Variants in PPP2R2A observed in about 807,000 individuals in gnomAD.
PPP2R2A encodes the protein protein phosphatase 2 regulatory subunit Balpha.
A neutral mutation model predicts 53.2 loss-of-function variants in PPP2R2A; 9 were observed. That is an observed-to-expected ratio of 0.17 (90% CI 0.10 to 0.30). The LOEUF (loss-of-function observed/expected upper bound fraction) is 0.30, where lower values mean the gene tolerates loss of function less well. Ranked by LOEUF, PPP2R2A falls within the 10% of genes least tolerant of loss-of-function variation. The probability of loss-of-function intolerance (pLI) is 1.00; values close to 1 mark genes in which losing one functional copy is unlikely to be tolerated. For missense variants in PPP2R2A, 235 were observed against 534.6 expected (o/e 0.44, Z 5.53); for synonymous variants, 169 against 174.2 (o/e 0.97, Z 0.23).
At chr8:26,313,734 A>T (rs529716362) in intron 2 of PPP2R2A, among the ~76,000 whole-genome samples, 1 of 152,330 alleles carries the variant, frequency 6.6e-6, no homozygotes, top group Non-Finnish European at 1.5e-5. Flanking sequence ...GATTGCAAGG[A>T]AAGGGTCACA....
chr8:26,351,614 G>A (rs764585816), intron 3 of PPP2R2A, among the ~76,000 whole-genome samples: 7 of 152,198 alleles, frequency 4.6e-5, no homozygotes, highest in Middle Eastern at 3.4e-3. Context: ...ATCACTTTAC[G>A]AGTGGTTTTG....
In PPP2R2A at chr8:26,371,303, A is replaced by G. The variant is rs997472235; in HGVS notation, c.*890A>G. The G allele has an allele frequency of 6.7e-6, 1 of 150,172 alleles. No individual in the cohort carries two copies. The highest frequency in any genetic ancestry group is 2.4e-5 in the African/African-American group (1 of 41,056). 9.3% of individuals were successfully genotyped at this position (150,172 alleles called of 1,614,324 possible). A position where few individuals can be genotyped will look rare whatever the true frequency, so the allele number is the denominator to read the frequency against. ...GGAGAGGTATTGGTTCTCTATGAAC[A>G]TATTTTGAATATAGGTTTTATTAAG... On this transcript the variant is annotated 3_prime_UTR_variant, in exon 10 of 10. Coordinates refer to ENST00000380737, the MANE Select transcript of PPP2R2A (RefSeq NM_002717.4).
At chr8:26,336,453 T>C (rs1803665000) in intron 2 of PPP2R2A, among the ~76,000 whole-genome samples, 1 of 151,978 alleles carries the variant, frequency 6.6e-6, no homozygotes, top group South Asian at 2.1e-4. Flanking sequence ...TGGCGTGGAA[T>C]GTGCCTTCCC....
chr8:26,315,325 A>G (rs928729102), intron 2 of PPP2R2A, among the ~76,000 whole-genome samples: 1 of 152,084 alleles, frequency 6.6e-6, no homozygotes, highest in African/African-American at 2.4e-5. Context: ...TCTCTAGATG[A>G]GAAGGAACTT....
chr8:26,350,744 T>A (rs1804457869), intron 3 of PPP2R2A: 1 of 152,224 alleles, frequency 6.6e-6, no homozygotes, highest in South Asian at 2.1e-4. Flanking sequence ...TTGGATGTTA[T>A]CTTTTGGAAG....
Position 26,354,778 on chromosome 8 carries a change from C to A in PPP2R2A, c.346+145C>A. The stretch of plus-strand genomic sequence containing the variant: ...ACAGAATGTAAACTCTACTTTTTTA[C>A]TGTCACTTGCAGTTTTTAGATTCTC... On this transcript the variant is annotated intron_variant, in intron 4 of 9. Coordinates refer to ENST00000380737, the MANE Select transcript of PPP2R2A (RefSeq NM_002717.4). The surrounding 1 kb of genome is among the most constrained non-coding windows in gnomAD (Gnocchi z 4.6). The A allele has an allele frequency of 1.3e-6, 1 of 761,704 alleles. No individual in the cohort carries two copies. The highest frequency in any genetic ancestry group is 1.8e-6 in the Non-Finnish European group (1 of 553,666). 47.2% of individuals were successfully genotyped at this position (761,704 alleles called of 1,614,324 possible).
chr8:26,332,200 A>C (rs899835733), intron 2 of PPP2R2A, among the ~76,000 whole-genome samples: 1 of 146,992 alleles, frequency 6.8e-6, no homozygotes, highest in African/African-American at 2.5e-5. Flanking sequence ...CTAAAAATAC[A>C]AAAAAAAAAA....
intron 9 of PPP2R2A, among the ~76,000 whole-genome samples, chr8:26,367,619 G>A (rs986735805): frequency 2.7e-4 from 41 of 152,304 alleles, no homozygotes; most frequent in African/African-American, 9.1e-4. Flanking sequence ...ACATAGGTAC[G>A]TGCGCATGTG....
Position 26,338,919 on chromosome 8 carries a change from C to A in PPP2R2A, c.112C>A (p.His38Asn). Residue 38 changes from histidine (H) to asparagine (N), a missense_variant, in exon 3 of 10, where the codon CAT becomes AAT. Transcript: ENST00000380737. The surrounding 1 kb of genome is among the most constrained non-coding windows in gnomAD (Gnocchi z 4.5). ...ADIISTVEFN[H>N]SGELLATGDK... is the part of the protein sequence containing the mutation. ...TATAATTTCTACAGTAGAATTTAAT[C>A]ATTCTGGAGAATTACTAGCAACAGG... The A allele has an allele frequency of 6.2e-7, 1 of 1,601,894 alleles. No individual in the cohort carries two copies. Among genetic ancestry groups the A allele is most frequent in the South Asian group, 1.1e-5 (1 of 90,658 alleles).
chr8:26,360,338 CA>C lies in PPP2R2A; in HGVS notation c.459+60del. The C allele has an allele frequency of 9.9e-7, 1 of 1,014,684 alleles. No individual in the cohort carries two copies. 62.9% of individuals were successfully genotyped at this position (1,014,684 alleles called of 1,614,324 possible). A position where few individuals can be genotyped will look rare whatever the true frequency, so the allele number is the denominator to read the frequency against. ...GTGCTTGTATTCATATTATATAGCC[CA>C]AATCCTGAGCAGAGCTTGAATAGGA... On this transcript the variant is annotated intron_variant, in intron 5 of 9. Transcript: ENST00000380737. This position sits in a 1 kb window ranked among gnomAD's most constrained non-coding sequence, Gnocchi z 4.5.
At chr8:26,336,466 C>A (rs1283501639) in intron 2 of PPP2R2A, among the ~76,000 whole-genome samples, 1 of 151,966 alleles carries the variant, frequency 6.6e-6, no homozygotes, top group Non-Finnish European at 1.5e-5. Context: ...GCCTTCCCAC[C>A]CCACCCCTCA....
intron 2 of PPP2R2A, among the ~76,000 whole-genome samples, chr8:26,303,045 A>G (rs1228483881): frequency 1.3e-5 from 2 of 152,204 alleles, no homozygotes; most frequent in African/African-American, 4.8e-5. Context: ...ACCACAAGGT[A>G]AGTGATCAGA....
intron 2 of PPP2R2A, among the ~76,000 whole-genome samples, chr8:26,318,966 C>T (rs1313752234): frequency 3.3e-5 from 5 of 152,138 alleles, no homozygotes; most frequent in Admixed American, 2.0e-4. Context: ...ATCCAGGACT[C>T]TTTTCATCTT....
intron 3 of PPP2R2A, among the ~76,000 whole-genome samples, chr8:26,344,292 A>G (rs1804099350): frequency 6.6e-6 from 1 of 152,258 alleles, no homozygotes; most frequent in Admixed American, 6.5e-5. Context: ...AGAGAGGATA[A>G]GTAACATTTC....
chr8:26,350,693 G>C (rs10866848), intron 3 of PPP2R2A: 113,448 of 152,130 alleles, frequency 0.75, 42,741 homozygotes, highest in East Asian at 0.88. Flanking sequence ...CATGAGCTGC[G>C]ACTCCTAGCC....
intron 2 of PPP2R2A, among the ~76,000 whole-genome samples, chr8:26,315,422 C>T (rs1277328157): frequency 2.0e-5 from 3 of 152,168 alleles, no homozygotes; most frequent in Non-Finnish European, 4.4e-5. Flanking sequence ...CCAGGAAGAT[C>T]ACCGAGCAAC....
chr8:26,317,554 ATATGATAACTTCAGT>A (rs374472280), intron 2 of PPP2R2A, among the ~76,000 whole-genome samples: 36 of 152,344 alleles, frequency 2.4e-4, no homozygotes, highest in African/African-American at 7.5e-4. Flanking sequence ...ATTTTAAAAT[ATATGATAACTTCAGT>A]TGTTTATTTT....
At chr8:26,292,038 T>G in intron 1 of PPP2R2A, 14 of 801,144 alleles carry the variant, frequency 1.7e-5, no homozygotes, top group East Asian at 3.4e-4. Flanking sequence ...AGAACGGGGC[T>G]GGCGCCGTGG....
At chr8:26,328,666 C>T (rs1041114887) in intron 2 of PPP2R2A, among the ~76,000 whole-genome samples, 2 of 152,184 alleles carry the variant, frequency 1.3e-5, no homozygotes, top group African/African-American at 4.8e-5. Context: ...CTCGGTGATA[C>T]ATCGTAGACC....
Sources: gnomAD v4.1 joint callset for allele counts (sites outside exome capture counted in the v4.1 genomes callset) on GRCh38, gnomAD v4.1.1 for gene constraint, Gnocchi (gnomAD v3.1) non-coding constraint, MANE v1.5 for transcripts, NCBI Gene and HGNC (gene_info 2026-07-23, HGNC 2026-07-21) for gene names.